The following CSMD3 variants were observed in gnomAD, a reference collection of about 807,000 sequenced individuals.
The protein encoded by CSMD3 is CUB and Sushi multiple domains 3.
CSMD3 carries 177 observed loss-of-function variants against 435.2 expected under a neutral mutation model. That is an observed-to-expected ratio of 0.41 (90% CI 0.36 to 0.46). CSMD3 has a LOEUF of 0.46. Ranked by LOEUF, CSMD3 falls within the 20% of genes least tolerant of loss-of-function variation. The pLI is 0.34. For synonymous variants in CSMD3, 1,656 were observed against 1,520.5 expected, an observed-to-expected ratio of 1.09 and a Z score of -2.07; for missense variants, 4,265 against 4,504.6, an observed-to-expected ratio of 0.95 and a Z score of 1.52.
rs112288401 is a variant in CSMD3, at chr8:113,342,927, T to C, written c.179-28134A>G. On this transcript the variant is annotated intron_variant, in intron 1 of 70. Transcript: ENST00000297405. Reference sequence around the variant, plus strand: ...TGAGAAATTCAACTAAATAGAAAAATGCAACCCATAGTTGAAGAAGATAAT... The same window carrying C: ...TGAGAAATTCAACTAAATAGAAAAACGCAACCCATAGTTGAAGAAGATAAT... Among the ~76,000 whole-genome samples the C allele has an allele frequency of 8.8e-3, 1,324 of 150,204 alleles. 18 individuals are homozygous for C. Among genetic ancestry groups the C allele is most frequent in the African/African-American group, 0.03 (1,240 of 40,750 alleles).
chr8:112,623,374 C>G (rs1272409767), intron 22 of CSMD3, among the ~76,000 whole-genome samples: 7 of 152,044 alleles, frequency 4.6e-5, no homozygotes, highest in African/African-American at 1.7e-4. Context: ...AGAAGCTGTT[C>G]CCTATCCTTC....
intron 13 of CSMD3, among the ~76,000 whole-genome samples, chr8:112,691,260 A>G (rs977963964): frequency 2.0e-5 from 3 of 152,076 alleles, no homozygotes; most frequent in African/African-American, 7.2e-5. Context: ...ACTGGATTTG[A>G]TTTTATATTT....
intron 6 of CSMD3, among the ~76,000 whole-genome samples, chr8:113,017,618 T>A (rs182206492): frequency 3.9e-4 from 59 of 151,926 alleles, no homozygotes; most frequent in African/African-American, 1.4e-3. Flanking sequence ...CTTAACTAAT[T>A]GTAGAAAGGA....
intron 32 of CSMD3, among the ~76,000 whole-genome samples, chr8:112,433,950 C>A (rs1278007215): frequency 6.6e-6 from 1 of 151,910 alleles, no homozygotes; most frequent in African/African-American, 2.4e-5. Context: ...TTAGTGTGTG[C>A]ATATGGTATA....
chr8:112,368,974 G>A (rs1368937843), intron 38 of CSMD3, among the ~76,000 whole-genome samples: 3 of 152,058 alleles, frequency 2.0e-5, no homozygotes, highest in South Asian at 2.1e-4. Flanking sequence ...AATGATAATA[G>A]CATAATGTTG....
At chr8:113,185,329 T>C (rs2092482877) in intron 3 of CSMD3, among the ~76,000 whole-genome samples, 1 of 152,046 alleles carries the variant, frequency 6.6e-6, no homozygotes, top group South Asian at 2.1e-4. Context: ...TGAGGTGATG[T>C]GGGAAGAAAG....
chr8:113,397,741 C>T (rs1588660228), intron 1 of CSMD3, among the ~76,000 whole-genome samples: 1 of 151,954 alleles, frequency 6.6e-6, no homozygotes, highest in Non-Finnish European at 1.5e-5. Context: ...TGGCGTGAAC[C>T]CGGTAGGCGG....
At chr8:112,564,190 G>T (rs1828880485) in intron 24 of CSMD3, among the ~76,000 whole-genome samples, 2 of 150,246 alleles carry the variant, frequency 1.3e-5, no homozygotes, top group Non-Finnish European at 3.0e-5. Flanking sequence ...TCTAGAGAGT[G>T]CATGTTTTCC....
chr8:113,014,563 T>C (rs2086380601), intron 6 of CSMD3, among the ~76,000 whole-genome samples: 1 of 152,114 alleles, frequency 6.6e-6, no homozygotes, highest in Non-Finnish European at 1.5e-5. Context: ...CCAACCATCC[T>C]GTAAATGAAT....
intron 43 of CSMD3, 78 bp downstream of exon 43, chr8:112,337,465 A>G (rs1824686186): frequency 4.6e-6 from 5 of 1,087,738 alleles, no homozygotes; most frequent in Non-Finnish European, 7.1e-6. Flanking sequence ...TTGGAAGAGG[A>G]AGACAAGTAA....
intron 5 of CSMD3, among the ~76,000 whole-genome samples, chr8:113,031,843 T>C (rs1242853783): frequency 6.6e-6 from 1 of 151,576 alleles, no homozygotes; most frequent in Non-Finnish European, 1.5e-5. Context: ...TATCCACATG[T>C]TGAAAGAGGG....
intron 35 of CSMD3, among the ~76,000 whole-genome samples, chr8:112,405,387 T>C: frequency 6.7e-6 from 1 of 150,216 alleles, no homozygotes; most frequent in East Asian, 1.9e-4. Context: ...TTATGTAATT[T>C]AAAAAATAAT....
chr8:112,931,845 T>A (rs1479653727), intron 9 of CSMD3, among the ~76,000 whole-genome samples: 1 of 152,026 alleles, frequency 6.6e-6, no homozygotes, highest in Non-Finnish European at 1.5e-5. Context: ...ATATGAAAAA[T>A]GTTCAACATC....
intron 13 of CSMD3, among the ~76,000 whole-genome samples, chr8:112,794,284 A>C (rs73342200): frequency 0.36 from 45,245 of 125,942 alleles, 10,601 homozygotes; most frequent in African/African-American, 0.59. Flanking sequence ...GGACTGATAA[A>C]CTTTTTTTTT....
intron 25 of CSMD3, among the ~76,000 whole-genome samples, 154 bp from the exon 26 acceptor site, chr8:112,552,874 G>C (rs562160140): frequency 2.0e-5 from 3 of 152,102 alleles, no homozygotes; most frequent in Admixed American, 2.0e-4. Flanking sequence ...ATTGAAGCAA[G>C]AATATATAAT....
At chr8:112,351,659 C>T (rs891969551) in intron 39 of CSMD3, among the ~76,000 whole-genome samples, 3 of 151,768 alleles carry the variant, frequency 2.0e-5, no homozygotes, top group Admixed American at 6.6e-5. Flanking sequence ...TAAAACAAGT[C>T]AAAGTATATT....
intron 32 of CSMD3, among the ~76,000 whole-genome samples, chr8:112,459,424 TG>T (rs1171892804): frequency 6.6e-6 from 1 of 151,402 alleles, no homozygotes; most frequent in Non-Finnish European, 1.5e-5. Flanking sequence ...CAGTATGACG[TG>T]GGTACAGAAG....
chr8:113,160,692 A>G (rs1028744533), intron 4 of CSMD3, among the ~76,000 whole-genome samples: 2 of 152,114 alleles, frequency 1.3e-5, no homozygotes, highest in Non-Finnish European at 2.9e-5. Flanking sequence ...AAATTTTAAA[A>G]GAACGCATAA....
chr8:113,395,470 G>T (rs1429643968), intron 1 of CSMD3, among the ~76,000 whole-genome samples: 1 of 151,868 alleles, frequency 6.6e-6, no homozygotes, highest in African/African-American at 2.4e-5. Flanking sequence ...TTAGCGGGGC[G>T]TGGTGGCGGG....
Sources: allele counts gnomAD v4.1 joint callset (sites outside exome capture counted in the v4.1 genomes callset), GRCh38; gene constraint gnomAD v4.1.1; transcripts MANE v1.5; gene names NCBI Gene and HGNC (gene_info 2026-07-23, HGNC 2026-07-21).